Variants in SUPT3H observed in about 807,000 individuals in gnomAD.
SUPT3H encodes the protein transcription initiation protein SPT3 homolog.
SUPT3H carries 44 observed loss-of-function variants against 44.3 expected under a neutral mutation model. The observed-to-expected ratio is 0.99, with a 90% CI of 0.78 to 1.28. SUPT3H has a LOEUF of 1.28. SUPT3H is among the 50% of genes most tolerant of loss of function. The pLI, the probability that SUPT3H is intolerant of heterozygous loss-of-function variation, is 0.00. For missense variants in SUPT3H, 380 were observed against 387.1 expected (o/e 0.98, Z 0.15); for synonymous variants, 124 against 125.6 (o/e 0.99, Z 0.09).
At chr6:45,003,011 T>A (rs918416294) in intron 6 of SUPT3H, among the ~76,000 whole-genome samples, 2 of 152,138 alleles carry the variant, frequency 1.3e-5, no homozygotes, top group Admixed American at 6.6e-5. Flanking sequence ...TGGAAGGCAC[T>A]CAAATGCAAT....
chr6:45,321,573 G>A (rs766988476), intron 2 of SUPT3H, among the ~76,000 whole-genome samples: 54 of 151,914 alleles, frequency 3.6e-4, no homozygotes, highest in Admixed American at 1.0e-3. Context: ...TAGTATCGTC[G>A]CAATCCAGTC....
At chr6:45,204,666 G>A (rs1313070490) in intron 2 of SUPT3H, among the ~76,000 whole-genome samples, 1 of 152,136 alleles carries the variant, frequency 6.6e-6, no homozygotes, top group Non-Finnish European at 1.5e-5. Flanking sequence ...CCTCTATGCT[G>A]AAAAATTTCC....
intron 2 of SUPT3H, among the ~76,000 whole-genome samples, chr6:45,120,673 C>T (rs1390619663): frequency 6.6e-6 from 1 of 152,030 alleles, no homozygotes; most frequent in African/African-American, 2.4e-5. Flanking sequence ...AAAGGCTGAA[C>T]AAATTCTTCC....
At chr6:45,221,329 C>A (rs1255802715) in intron 2 of SUPT3H, among the ~76,000 whole-genome samples, 1 of 152,072 alleles carries the variant, frequency 6.6e-6, no homozygotes, top group South Asian at 2.1e-4. Flanking sequence ...ATGTAACACA[C>A]CTGCACGTTG....
At position 45,295,367 on chromosome 6, in the gene SUPT3H, A is replaced by G. The variant is rs193256274; in HGVS notation, c.101+69834T>C. Among the ~76,000 whole-genome samples the G allele has an allele frequency of 2.4e-3, 372 of 152,260 alleles. 1 individual carries two copies. The highest frequency in any genetic ancestry group is 6.1e-3 in the Admixed American group (93 of 15,298). On this transcript the variant is annotated intron_variant, in intron 2 of 10. Transcript: ENST00000371459. ...AAGATGGATTAAGGACTTAAATTTA[A>G]GACCTGAAACTATAAAAGTTCCAGA...
chr6:44,920,380 C>T (rs6919161), intron 10 of SUPT3H, among the ~76,000 whole-genome samples: 18,316 of 151,608 alleles, frequency 0.12, 1,445 homozygotes, highest in East Asian at 0.27. Context: ...GAGACCAGTC[C>T]GGGCAAGAGA....
At chr6:44,949,826 C>T (rs1174865907) in intron 9 of SUPT3H, among the ~76,000 whole-genome samples, 1 of 152,198 alleles carries the variant, frequency 6.6e-6, no homozygotes, top group Non-Finnish European at 1.5e-5. Flanking sequence ...AACTCTAATA[C>T]ACTGTTGGTG....
At chr6:45,168,472 C>T (rs553621764) in intron 2 of SUPT3H, among the ~76,000 whole-genome samples, 7 of 152,218 alleles carry the variant, frequency 4.6e-5, no homozygotes, top group African/African-American at 1.7e-4. Context: ...GTATCCCGAC[C>T]ACCTTGGGCA....
intron 2 of SUPT3H, among the ~76,000 whole-genome samples, chr6:45,167,103 T>C (rs997589293): frequency 2.6e-5 from 4 of 152,190 alleles, no homozygotes. Flanking sequence ...CATTAAGATC[T>C]CTGAAAAGAC....
In SUPT3H at chr6:45,076,018, T is replaced by C. The variant is rs181596168; in HGVS notation, c.186+29904A>G. ...GTTACATGTTTAGCTGGCAAGTTTC[T>C]ACATTTATTAACCTCATAATTTTAA... On this transcript the variant is annotated intron_variant, in intron 3 of 10. Coordinates refer to ENST00000371459, the MANE Select transcript of SUPT3H (RefSeq NM_003599.4). Among the ~76,000 whole-genome samples, 391 of 152,278 alleles carry C rather than the reference T, an allele frequency of 2.6e-3. 3 individuals carry two copies. The highest frequency in any genetic ancestry group is 8.6e-3 in the African/African-American group (356 of 41,572).
intron 2 of SUPT3H, among the ~76,000 whole-genome samples, chr6:45,138,718 T>C (rs1038831615): frequency 1.3e-5 from 2 of 152,156 alleles, no homozygotes; most frequent in Non-Finnish European, 2.9e-5. Flanking sequence ...GAATAGAGAC[T>C]GGGTACAAAT....
At chr6:45,036,261 T>C (rs952519113) in intron 3 of SUPT3H, among the ~76,000 whole-genome samples, 1 of 152,042 alleles carries the variant, frequency 6.6e-6, no homozygotes, top group African/African-American at 2.4e-5. Context: ...TACAGGGTAA[T>C]CAGGGCAGTA....
At chr6:45,111,082 G>A (rs1055342003) in intron 2 of SUPT3H, among the ~76,000 whole-genome samples, 37 of 150,076 alleles carry the variant, frequency 2.5e-4, no homozygotes, top group African/African-American at 7.9e-4. Context: ...ACCCAGGCTG[G>A]AGTGCAGTGG....
intron 9 of SUPT3H, among the ~76,000 whole-genome samples, chr6:44,944,247 C>T (rs1262409497): frequency 1.3e-5 from 2 of 151,746 alleles, no homozygotes; most frequent in East Asian, 1.9e-4. Flanking sequence ...TAATTCTTAC[C>T]ATGACTACTG....
At chr6:45,267,461 A>G (rs192973574) in intron 2 of SUPT3H, among the ~76,000 whole-genome samples, 1 of 152,246 alleles carries the variant, frequency 6.6e-6, no homozygotes, top group Non-Finnish European at 1.5e-5. Flanking sequence ...AAATGATCCC[A>G]ATGTTGTCTG....
Position 44,833,716 on chromosome 6 carries a change from C to T in SUPT3H, c.913-3859G>A, listed in dbSNP as rs1769291800. ...AAAAGAGTAGATTTTGGATTTAAAA[C>T]CCAGGGCCTGTGTTCTTTTCATTAT... is the stretch of plus-strand genomic sequence containing the variant. On this transcript the variant is annotated intron_variant, in intron 10 of 10. Transcript: ENST00000371459. Among the ~76,000 whole-genome samples, 4 of 152,154 alleles carry T rather than the reference C, an allele frequency of 2.6e-5. No homozygotes were observed. The South Asian group carries it at 8.3e-4, about 32-fold the overall frequency.
chr6:45,256,743 T>G (rs1011821622), intron 2 of SUPT3H, among the ~76,000 whole-genome samples: 2 of 152,250 alleles, frequency 1.3e-5, no homozygotes, highest in African/African-American at 4.8e-5. Flanking sequence ...CAAGCTTCAT[T>G]CATGTTTTGG....
At chr6:45,315,920 GACAGAT>G (rs1784603514) in intron 2 of SUPT3H, among the ~76,000 whole-genome samples, 1 of 140,154 alleles carries the variant, frequency 7.1e-6, no homozygotes, top group Admixed American at 7.5e-5. Context: ...AGCTCAGATA[GACAGAT>G]AGATAGATAG....
intron 3 of SUPT3H, among the ~76,000 whole-genome samples, chr6:45,024,079 A>G (rs1316124979): frequency 1.3e-5 from 2 of 152,224 alleles, no homozygotes; most frequent in Non-Finnish European, 2.9e-5. Context: ...GTTCAGTTAT[A>G]GCATTTCTGT....
Sources: gnomAD v4.1 joint callset for allele counts (sites outside exome capture counted in the v4.1 genomes callset) on GRCh38, gnomAD v4.1.1 for gene constraint, MANE v1.5 for transcripts, NCBI Gene and HGNC (gene_info 2026-07-23, HGNC 2026-07-21) for gene names.